Variants in DNAAF9 observed in about 807,000 individuals in gnomAD.
DNAAF9 encodes shulin.
In DNAAF9, 90 loss-of-function variants were observed where a neutral mutation model predicts 167.0. The ratio of observed to expected loss-of-function variants is 0.54; its 90% confidence interval spans 0.45 to 0.64. DNAAF9 has a LOEUF of 0.64. Ranked by LOEUF, DNAAF9 falls within the 30% of genes least tolerant of loss-of-function variation. The pLI is 0.00. For missense variants in DNAAF9, 1,315 were observed against 1,442.2 expected (o/e 0.91, Z 1.43); for synonymous variants, 491 against 508.8 (o/e 0.96, Z 0.47).
At chr20:3,304,915 A>C (rs2069262724) in intron 20 of DNAAF9, among the ~76,000 whole-genome samples, 1 of 152,258 alleles carries the variant, frequency 6.6e-6, no homozygotes, top group South Asian at 2.1e-4. Flanking sequence ...CTTTGCCAGA[A>C]GCTGGCTCGG....
rs372819234 is a variant in DNAAF9, at chr20:3,343,691, T to A, written c.830A>T (p.His277Leu). 1 of 1,611,796 alleles carries A rather than the reference T, an allele frequency of 6.2e-7. No homozygotes were observed. Among genetic ancestry groups the A allele is most frequent in the East Asian group, 2.2e-5 (1 of 44,808 alleles). The change falls in exon 9 of 37, where the codon CAT becomes CTT. Residue 277 changes from histidine to leucine, a missense_variant. His to Leu is a moderately conservative substitution (Grantham distance 99). Coordinates refer to ENST00000252032, the MANE Select transcript of DNAAF9 (RefSeq NM_001009984.3). Reference protein sequence around the residue: ...SYFSHGMISSHITENSPNRQP... With the variant: ...SYFSHGMISSLITENSPNRQP... ...AGAAACTTACCTGTTTTCAGTTATA[T>A]GGCTAGAGATCATTCCATGACTGAA...
intron 4 of DNAAF9, 81 bp from the exon 5 acceptor site, chr20:3,375,207 CAG>C (rs1406748166): frequency 3.1e-5 from 28 of 894,744 alleles, no homozygotes; most frequent in Non-Finnish European, 5.0e-5. Flanking sequence ...TTTTGTCAAC[CAG>C]AGTTGTCCCA....
At chr20:3,252,817 A>AT (rs2068216710) in intron 36 of DNAAF9, 133 bp from the exon 37 acceptor site, 1 of 662,650 alleles carries the variant, frequency 1.5e-6, no homozygotes, top group East Asian at 2.6e-5. Context: ...AGGGAACCTG[A>AT]TGGACTCTTT....
chr20:3,398,192 G>T (rs2083937174), intron 1 of DNAAF9, among the ~76,000 whole-genome samples: 1 of 152,168 alleles, frequency 6.6e-6, no homozygotes, highest in Non-Finnish European at 1.5e-5. Flanking sequence ...CCCTGCCTTG[G>T]GGAAGATATA....
At position 3,253,782 on chromosome 20, in the gene DNAAF9, A is replaced by C; in HGVS notation, c.3365T>G (p.Phe1122Cys). Residue 1122 changes from phenylalanine to cysteine, a missense_variant, in exon 36 of 37, where the codon TTT (phenylalanine) becomes TGT (cysteine). By Grantham distance (205) the Phe-to-Cys change is radical. Transcript: ENST00000252032. ...GTTAACAAATTGGGTGCCATTATAAAAGTAGCCTGCAGGTAGGGGTTCCAA... is the reference window on the plus strand; with the variant it reads ...GTTAACAAATTGGGTGCCATTATAACAGTAGCCTGCAGGTAGGGGTTCCAA... ...RHLEPLPAGY[F>C]YNGTQFVNFF... 1 of 1,612,986 alleles carries C rather than the reference A, an allele frequency of 6.2e-7. No individual in the cohort carries two copies. The highest frequency in any genetic ancestry group is 8.5e-7 in the Non-Finnish European group (1 of 1,178,932).
At chr20:3,399,944 G>A (rs77152555) in intron 1 of DNAAF9, among the ~76,000 whole-genome samples, 6,582 of 152,242 alleles carry the variant, frequency 0.043, 206 homozygotes, top group African/African-American at 0.089. Context: ...ACTCATGTCC[G>A]ATGGCAATTC....
chr20:3,379,757 G>T (rs1053094325), intron 3 of DNAAF9, among the ~76,000 whole-genome samples: 9 of 152,070 alleles, frequency 5.9e-5, no homozygotes, highest in African/African-American at 2.2e-4. Context: ...CACCCACTGT[G>T]CCAGGTAAAA....
chr20:3,263,566 T>C (rs1306853586), intron 31 of DNAAF9, among the ~76,000 whole-genome samples: 5 of 152,206 alleles, frequency 3.3e-5, no homozygotes, highest in Admixed American at 1.3e-4. Context: ...AATTGTCAAG[T>C]CATTAACTCT....
At chr20:3,287,002 G>C (rs1051271224) in intron 27 of DNAAF9, among the ~76,000 whole-genome samples, 4 of 152,196 alleles carry the variant, frequency 2.6e-5, no homozygotes, top group Non-Finnish European at 5.9e-5. Context: ...CAGGTCAAAA[G>C]AAACTCCTTT....
chr20:3,404,138 T>A (rs2084024605), intron 1 of DNAAF9, among the ~76,000 whole-genome samples: 2 of 152,214 alleles, frequency 1.3e-5, no homozygotes, highest in African/African-American at 4.8e-5. Context: ...CAGGTGATTC[T>A]CCTGCCTCAG....
intron 10 of DNAAF9, 71 bp downstream of exon 10, chr20:3,340,433 T>TCCGGGGGGGGGGGGCCCCC: frequency 4.5e-6 from 1 of 221,214 alleles, no homozygotes; most frequent in Non-Finnish European, 9.5e-6. Flanking sequence ...TTTGTCTAGC[T>TCCGGGGGGGGGGGGCCCCC]CCCCCCACCC....
chr20:3,375,039 T>C lies in DNAAF9; in HGVS notation c.496A>G (p.Ser166Gly). 3 of 1,583,676 alleles carry C rather than the reference T, an allele frequency of 1.9e-6. No individual in the cohort carries two copies. In the South Asian group the frequency reaches 3.3e-5, roughly 18 times the overall value. The stretch of plus-strand genomic sequence containing the variant: ...GCTGTCAGATACTCACCTTGGGAGC[T>C]GTAAGGAATGCCAATTCTACTACAG... ...RDCSRIGIPY[S>G]SQGHLQIFDM... The change falls in exon 5 of 37, where the codon AGC becomes GGC. Residue 166 changes from serine (S) to glycine (G), a missense_variant. This residue lies in a region of DNAAF9 where 981 missense variants were observed against 1,012.5 expected (regional missense o/e 0.97). Transcript: ENST00000252032.
chr20:3,340,655 A>G lies in DNAAF9; in HGVS notation c.846-16T>C, dbSNP rs748001658. On this transcript the variant is annotated splice_polypyrimidine_tract_variant and intron_variant, in intron 9 of 36. Transcript: ENST00000252032. ...CCGGTTAGGGCTAGAGAGGGAAGTC[A>G]AAAACATGTGATTAGAAAAGAGTTC... 1.5e-5 allele frequency: 25 copies of G among 1,612,936 alleles called. No homozygotes were observed. The highest frequency in any genetic ancestry group is 2.0e-5 in the Non-Finnish European group (24 of 1,179,122).
chr20:3,390,147 G>A (rs1315707906), intron 1 of DNAAF9, among the ~76,000 whole-genome samples: 1 of 152,094 alleles, frequency 6.6e-6, no homozygotes, highest in Non-Finnish European at 1.5e-5. Context: ...TCTTAGGTAT[G>A]GCAATGTTAT....
intron 20 of DNAAF9, among the ~76,000 whole-genome samples, chr20:3,313,977 C>G (rs984131650): frequency 6.6e-6 from 1 of 152,192 alleles, no homozygotes; most frequent in Non-Finnish European, 1.5e-5. Flanking sequence ...AGCTGAATTT[C>G]AAAGCTGCCA....
At chr20:3,381,319 G>C in intron 3 of DNAAF9, 60 bp downstream of exon 3, 2 of 1,314,552 alleles carry the variant, frequency 1.5e-6, no homozygotes, top group South Asian at 1.5e-5. Context: ...ATAAAATAAG[G>C]ATCCAAATAA....
intron 20 of DNAAF9, among the ~76,000 whole-genome samples, chr20:3,310,695 A>C (rs2069399856): frequency 6.6e-6 from 1 of 151,996 alleles, no homozygotes; most frequent in African/African-American, 2.4e-5. Flanking sequence ...AAGAAAAAAA[A>C]AAAAATTCCT....
At chr20:3,336,268 T>TTTTTTTG (rs2069946948) in intron 10 of DNAAF9, among the ~76,000 whole-genome samples, 2 of 149,510 alleles carry the variant, frequency 1.3e-5, no homozygotes, top group African/African-American at 2.5e-5. Context: ...GTTTTTTTTT[T>TTTTTTTG]TTTTTTTGCC....
At chr20:3,347,300 A>G (rs1006129386) in intron 8 of DNAAF9, among the ~76,000 whole-genome samples, 15 of 152,212 alleles carry the variant, frequency 9.9e-5, no homozygotes, top group African/African-American at 1.4e-4. Flanking sequence ...TGGCAAAAAT[A>G]TATTTCAAAA....
Sources: allele counts gnomAD v4.1 joint callset (sites outside exome capture counted in the v4.1 genomes callset), GRCh38; gene constraint gnomAD v4.1.1; regional missense constraint gnomAD v4.1.1; transcripts MANE v1.5; gene names NCBI Gene and HGNC (gene_info 2026-07-23, HGNC 2026-07-21).